Variants in PLAGL1 observed in about 807,000 individuals in gnomAD.
PLAGL1 encodes the protein zinc finger protein PLAGL1.
A neutral mutation model predicts 4.6 loss-of-function variants in PLAGL1; 1 was observed. The ratio of observed to expected loss-of-function variants is 0.22; its 90% CI spans 0.08 to 1.03. PLAGL1 has a LOEUF of 1.03. Among genes scored for constraint, PLAGL1 ranks in the 50% least tolerant of loss-of-function variants. The pLI is 0.58. For synonymous variants in PLAGL1, 240 were observed against 237.8 expected (o/e 1.01, Z -0.08); for missense variants, 464 against 570.4 (o/e 0.81, Z 1.90).
chr6:144,032,953 A>T (rs2128709648), intron 1 of PLAGL1, among the ~76,000 whole-genome samples: 1 of 152,338 alleles, frequency 6.6e-6, no homozygotes, highest in Non-Finnish European at 1.5e-5. Flanking sequence ...GGCAATAGAC[A>T]TGTGATAGAT....
chr6:144,021,500 G>A (rs1795976002), intron 1 of PLAGL1, among the ~76,000 whole-genome samples: 1 of 152,146 alleles, frequency 6.6e-6, no homozygotes, highest in South Asian at 2.1e-4. Context: ...ATAGAAATGA[G>A]ACCTGCTTTT....
chr6:144,043,454 T>C (rs1219679223), intron 1 of PLAGL1, among the ~76,000 whole-genome samples: 1 of 152,228 alleles, frequency 6.6e-6, no homozygotes, highest in Non-Finnish European at 1.5e-5. Context: ...TGTCTTTGGT[T>C]CTGTTTATGT....
At chr6:144,007,136 T>C (rs929024896) in intron 1 of PLAGL1, 11 of 152,236 alleles carry the variant, frequency 7.2e-5, no homozygotes, top group Non-Finnish European at 1.6e-4. Context: ...TAAGCGCATA[T>C]AAATTTACCA....
In PLAGL1 at chr6:144,000,969, C is replaced by T. The variant is rs78739091; in HGVS notation, c.-584+7121G>A. Reference sequence around the variant, plus strand: ...AAAAATAGAGTATACGTACATATAACTCCTAGCTCTGTCCACAGAGGGCCA... The same window carrying T: ...AAAAATAGAGTATACGTACATATAATTCCTAGCTCTGTCCACAGAGGGCCA... On this transcript the variant is annotated intron_variant, in intron 1 of 7. Transcript: ENST00000674357. This position sits in a 1 kb window ranked among gnomAD's most constrained non-coding sequence, Gnocchi z 4.1. Among the ~76,000 whole-genome samples the T allele has an allele frequency of 0.17, 25,251 of 151,984 alleles. 2,290 individuals carry two copies. The highest frequency in any genetic ancestry group is 0.27 in the Admixed American group (4,080 of 15,286).
chr6:143,941,939 A>G lies in PLAGL1; in HGVS notation c.877T>C (p.Ser293Pro). 2 of 1,607,672 alleles carry G rather than the reference A, an allele frequency of 1.2e-6. No individual in the cohort carries two copies. The highest frequency in any genetic ancestry group is 1.7e-6 in the Non-Finnish European group (2 of 1,176,214). ...TGATTGGGAAGGGGTGGCGGAGGAG[A>G]GCCAGGGGATACCGAGGGGTGGAGG... ...ASLHPSVSPGSPPPPLPNHKY... is the reference protein window; with the variant it reads ...ASLHPSVSPGPPPPPLPNHKY... Residue 293 changes from serine to proline, a missense_variant, in exon 8 of 8, where the codon TCT becomes CCT. By Grantham distance (74) the Ser-to-Pro change is moderately conservative. Around this residue, in one of 4 missense-constraint regions of PLAGL1, gnomAD observed 248 missense variants for 250.1 expected, o/e 0.99. Coordinates refer to ENST00000674357, the MANE Select transcript of PLAGL1 (RefSeq NM_001317162.2). The surrounding 1 kb of genome is among the most constrained non-coding windows in gnomAD (Gnocchi z 6.0).
In PLAGL1 at chr6:144,050,269, C is replaced by T. The variant is rs1310530887; in HGVS notation, c.-151+14199G>A. Among the ~76,000 whole-genome samples the T allele has an allele frequency of 6.6e-6, 1 of 152,174 alleles. No homozygotes were observed. Among genetic ancestry groups the T allele is most frequent in the Non-Finnish European group, 1.5e-5 (1 of 68,022 alleles). On this transcript the variant is annotated intron_variant, in intron 1 of 3. Coordinates refer to the PLAGL1 transcript ENST00000437412. The surrounding 1 kb of genome is among the most constrained non-coding windows in gnomAD (Gnocchi z 4.3). ...TGTGTGACATGCTAGGGGCAACCTC[C>T]TGTGCTAATTATTGTTCTTTTATTT...
intron 1 of PLAGL1, among the ~76,000 whole-genome samples, chr6:144,062,503 T>C (rs1024561387): frequency 6.8e-6 from 1 of 146,620 alleles, no homozygotes; most frequent in African/African-American, 2.5e-5. Flanking sequence ...AAACACAGAT[T>C]TGACTATACA....
At chr6:144,024,644 A>G (rs1222817932) in intron 1 of PLAGL1, among the ~76,000 whole-genome samples, 1 of 152,214 alleles carries the variant, frequency 6.6e-6, no homozygotes, top group Non-Finnish European at 1.5e-5. Flanking sequence ...TGTCTTTATT[A>G]GCAGCATGAG....
At position 143,979,411 on chromosome 6, in the gene PLAGL1, T is replaced by C. The variant is rs1787404167; in HGVS notation, c.-544+5724A>G. ...TCTTGTTATTTGTTGTCTAATTGCCTCAATTATTCTTTGTTCCTTTTCTTT... is the reference window on the plus strand; with the variant it reads ...TCTTGTTATTTGTTGTCTAATTGCCCCAATTATTCTTTGTTCCTTTTCTTT... On this transcript the variant is annotated intron_variant, in intron 2 of 7. Coordinates refer to ENST00000674357, the MANE Select transcript of PLAGL1 (RefSeq NM_001317162.2). The surrounding 1 kb of genome is among the most constrained non-coding windows in gnomAD (Gnocchi z 4.6). 6.6e-6 allele frequency among the ~76,000 whole-genome samples: 1 copy of C among 152,136 alleles called. No individual in the cohort carries two copies. Among genetic ancestry groups the C allele is most frequent in the African/African-American group, 2.4e-5 (1 of 41,476 alleles).
chr6:143,985,897 ATGTGTGTG>A lies in PLAGL1; in HGVS notation c.-583-731_-583-724del, dbSNP rs55710387. Among the ~76,000 whole-genome samples the A allele has an allele frequency of 2.1e-5, 3 of 140,042 alleles. No individual in the cohort carries two copies. The highest frequency in any genetic ancestry group is 7.9e-5 in the African/African-American group (3 of 37,882). 91.9% of individuals were successfully genotyped at this position (140,042 alleles called of 152,430 possible). A position where few individuals can be genotyped will look rare whatever the true frequency, so the allele number is the denominator to read the frequency against. ...GCCAAGCTACATATTATATATTATT[ATGTGTGTG>A]TGTGTGTGTGTGTATACACACACAT... On this transcript the variant is annotated intron_variant, in intron 1 of 7. Coordinates refer to ENST00000674357, the MANE Select transcript of PLAGL1 (RefSeq NM_001317162.2). The surrounding 1 kb of genome is among the most constrained non-coding windows in gnomAD (Gnocchi z 4.4).
chr6:144,037,141 C>T (rs1465954361), intron 1 of PLAGL1: 1 of 153,654 alleles, frequency 6.5e-6, no homozygotes, highest in Admixed American at 6.5e-5. Context: ...ATTTTTGAGA[C>T]TGAATTTTAT....
In PLAGL1 at chr6:143,950,113, T is replaced by C. The variant is rs549486370; in HGVS notation, c.-324-1653A>G. 5.9e-5 allele frequency among the ~76,000 whole-genome samples: 9 copies of C among 152,224 alleles called. No individual in the cohort carries two copies. The highest frequency in any genetic ancestry group is 1.7e-4 in the African/African-American group (7 of 41,554). ...CCCCTCACCATCCTGCCTCACCCAC[T>C]TGGAAACGTGAAAGCTGACTCGGGC... On this transcript the variant is annotated intron_variant, in intron 6 of 7. Coordinates refer to ENST00000674357, the MANE Select transcript of PLAGL1 (RefSeq NM_001317162.2). The surrounding 1 kb of genome is among the most constrained non-coding windows in gnomAD (Gnocchi z 6.3).
intron 1 of PLAGL1, among the ~76,000 whole-genome samples, chr6:144,052,478 G>T (rs1798645218): frequency 6.6e-6 from 1 of 152,210 alleles, no homozygotes; most frequent in African/African-American, 2.4e-5. Context: ...CATCCATAAT[G>T]AACATGGGGC....
rs1367637960 is a variant in PLAGL1, at chr6:143,985,178, C to A, written c.-583-4G>T. ...TTATGAATCAGGCAGGAACAATCTG[C>A]AAACAAAAATAAAAATTACTAGTTT... On this transcript the variant is annotated splice_polypyrimidine_tract_variant and splice_region_variant and intron_variant, in intron 1 of 7. Transcript: ENST00000674357. This position sits in a 1 kb window ranked among gnomAD's most constrained non-coding sequence, Gnocchi z 4.4. 1 of 152,076 alleles carries A rather than the reference C, an allele frequency of 6.6e-6. No homozygotes were observed. Among genetic ancestry groups the A allele is most frequent in the Non-Finnish European group, 1.5e-5 (1 of 67,982 alleles). The allele number at this position is 152,076 out of a possible 1,614,324, so 9.4% of individuals were successfully genotyped here. A position where few individuals can be genotyped will look rare whatever the true frequency, so the allele number is the denominator to read the frequency against.
upstream of PLAGL1, among the ~76,000 whole-genome samples, chr6:144,011,143 G>T (rs1795152536): frequency 6.6e-6 from 1 of 152,106 alleles, no homozygotes; most frequent in Non-Finnish European, 1.5e-5. The surrounding 1 kb of genome is among the most constrained non-coding windows in gnomAD (Gnocchi z 4.3). Flanking sequence ...CACACCAAAA[G>T]AAACTATCAT....
In PLAGL1 at chr6:143,960,397, T is replaced by C. The variant is rs1208111510; in HGVS notation, c.-325+72A>G. On this transcript the variant is annotated intron_variant, in intron 6 of 7. Coordinates refer to ENST00000674357, the MANE Select transcript of PLAGL1 (RefSeq NM_001317162.2). The surrounding 1 kb of genome is among the most constrained non-coding windows in gnomAD (Gnocchi z 5.7). ...AGTACCCTGAACCTCCAGCATGTTCTTGCCTATGATGTGTTTCCAAGCAAT... is the reference window on the plus strand; with the variant it reads ...AGTACCCTGAACCTCCAGCATGTTCCTGCCTATGATGTGTTTCCAAGCAAT... 6.6e-6 allele frequency: 1 copy of C among 152,236 alleles called. No individual in the cohort carries two copies. Among genetic ancestry groups the C allele is most frequent in the Non-Finnish European group, 1.5e-5 (1 of 68,032 alleles). 9.4% of individuals were successfully genotyped at this position (152,236 alleles called of 1,614,324 possible). A position where few individuals can be genotyped will look rare whatever the true frequency, so the allele number is the denominator to read the frequency against.
intron 1 of PLAGL1, chr6:144,007,249 A>G (rs905773288): frequency 6.6e-6 from 1 of 152,150 alleles, no homozygotes; most frequent in Non-Finnish European, 1.5e-5. Flanking sequence ...TAAGTAAGCA[A>G]TCTCTGAGCC....
rs1396344696 is a variant in PLAGL1 at position 143,953,814 on chromosome 6, A to G, written c.-324-5354T>C. 1.3e-5 allele frequency among the ~76,000 whole-genome samples: 2 copies of G among 152,210 alleles called. No homozygotes were observed. The highest frequency in any genetic ancestry group is 2.9e-5 in the Non-Finnish European group (2 of 68,024). ...CCTGCTATACCCTGAAGCATCTACC[A>G]TATGTCTCTGCAATTTGGTACAGTA... On this transcript the variant is annotated intron_variant, in intron 6 of 7. Coordinates refer to ENST00000674357, the MANE Select transcript of PLAGL1 (RefSeq NM_001317162.2). This position sits in a 1 kb window ranked among gnomAD's most constrained non-coding sequence, Gnocchi z 5.3.
intron 1 of PLAGL1, among the ~76,000 whole-genome samples, chr6:144,021,717 C>T (rs949718526): frequency 1.3e-4 from 20 of 152,286 alleles, no homozygotes; most frequent in African/African-American, 3.6e-4. Flanking sequence ...TACAGTTGAG[C>T]TTTTAGGCAG....
Sources: allele counts gnomAD v4.1 joint callset (sites outside exome capture counted in the v4.1 genomes callset), GRCh38; gene constraint gnomAD v4.1.1; regional missense constraint gnomAD v4.1.1; non-coding constraint Gnocchi (gnomAD v3.1); transcripts MANE v1.5; gene names NCBI Gene and HGNC (gene_info 2026-07-23, HGNC 2026-07-21).